The following PPP2R2B variants were observed in gnomAD, a reference collection of about 807,000 sequenced individuals.
PPP2R2B encodes serine/threonine-protein phosphatase 2A 55 kDa regulatory subunit B beta isoform.
A neutral mutation model predicts 46.0 loss-of-function variants in PPP2R2B; 5 were observed. The ratio of observed to expected loss-of-function variants is 0.11; its 90% CI spans 0.06 to 0.23. The LOEUF is 0.23. Among genes scored for constraint, PPP2R2B ranks in the 10% least tolerant of loss-of-function variants. PPP2R2B has a pLI of 1.00. For missense variants in PPP2R2B, 367 were observed against 575.0 expected (o/e 0.64, Z 3.70); for synonymous variants, 215 against 206.7 (o/e 1.04, Z -0.34).
At chr5:146,856,521 A>ATC in intron 2 of PPP2R2B, 1 of 1,609,634 alleles carries the variant, frequency 6.2e-7, no homozygotes, top group Non-Finnish European at 8.5e-7. Flanking sequence ...AGGTGTTTTC[A>ATC]TCTGGATAAT....
At chr5:146,605,747 C>T (rs1470729390) in intron 7 of PPP2R2B, among the ~76,000 whole-genome samples, 2 of 152,208 alleles carry the variant, frequency 1.3e-5, no homozygotes, top group Admixed American at 6.5e-5. Flanking sequence ...TACCTTTCTC[C>T]CCACTCCATT....
chr5:146,927,472 C>T (rs1054461695), intron 1 of PPP2R2B, among the ~76,000 whole-genome samples: 1 of 152,152 alleles, frequency 6.6e-6, no homozygotes, highest in Non-Finnish European at 1.5e-5. Flanking sequence ...GATTAACTTG[C>T]GGCAAGTAAA....
At position 147,013,356 on chromosome 5, in the gene PPP2R2B, C is replaced by T. The variant is rs200842988; in HGVS notation, c.79+42309G>A. Among the ~76,000 whole-genome samples the T allele has an allele frequency of 2.5e-5, 2 of 81,190 alleles. 1 individual carries two copies. Among genetic ancestry groups the T allele is most frequent in the African/African-American group, 7.1e-5 (2 of 28,262 alleles). 53.3% of individuals were successfully genotyped at this position (81,190 alleles called of 152,430 possible). ...TGCCATCCCCATCAAGCTACCAATG[C>T]CTTTCTTCACAGAATTGGAAAAAAC... On this transcript the variant is annotated intron_variant, in intron 1 of 8. Coordinates refer to the PPP2R2B transcript ENST00000336640.
intron 2 of PPP2R2B, among the ~76,000 whole-genome samples, chr5:146,702,406 A>G (rs1779594818): frequency 6.6e-6 from 1 of 152,188 alleles, no homozygotes; most frequent in African/African-American, 2.4e-5. Flanking sequence ...TAAAAGAACA[A>G]TTCTTGATTT....
chr5:146,939,185 G>A (rs777017862), intron 1 of PPP2R2B, among the ~76,000 whole-genome samples: 4 of 152,184 alleles, frequency 2.6e-5, no homozygotes, highest in South Asian at 2.1e-4. Flanking sequence ...CTGGTTAAAA[G>A]GGTGTGAAGA....
At chr5:146,663,595 T>G (rs1776805193) in intron 5 of PPP2R2B, among the ~76,000 whole-genome samples, 1 of 152,174 alleles carries the variant, frequency 6.6e-6, no homozygotes, top group Non-Finnish European at 1.5e-5. Flanking sequence ...GTATATAAAG[T>G]TATGCTTATA....
At chr5:146,836,970 T>C (rs1759324545) in intron 2 of PPP2R2B, among the ~76,000 whole-genome samples, 1 of 152,196 alleles carries the variant, frequency 6.6e-6, no homozygotes, top group Admixed American at 6.5e-5. Flanking sequence ...TATTGAACAC[T>C]TGGTTTTAGG....
intron 2 of PPP2R2B, among the ~76,000 whole-genome samples, chr5:146,861,047 A>ATTTTT (rs869248861): frequency 1.4e-4 from 18 of 132,192 alleles, no homozygotes; most frequent in East Asian, 4.6e-4. Flanking sequence ...TTCAAACTGA[A>ATTTTT]TTTTTTCTTT....
intron 1 of PPP2R2B, among the ~76,000 whole-genome samples, chr5:146,889,481 T>C (rs319193): frequency 0.47 from 71,264 of 151,946 alleles, 18,001 homozygotes; most frequent in East Asian, 0.7. Flanking sequence ...AAATACGAGG[T>C]TCAGATAAGT....
At chr5:147,061,837 C>A (rs1757267149) in intron 2 of PPP2R2B, among the ~76,000 whole-genome samples, 2 of 152,156 alleles carry the variant, frequency 1.3e-5, no homozygotes, top group African/African-American at 4.8e-5. Context: ...CACAATAAAG[C>A]CAAGCATGTT....
chr5:146,723,610 C>G (rs1402572037), intron 2 of PPP2R2B, among the ~76,000 whole-genome samples: 3 of 152,118 alleles, frequency 2.0e-5, no homozygotes, highest in African/African-American at 7.2e-5. Flanking sequence ...TTTGAAAGAT[C>G]ACTTGTGTTG....
chr5:146,860,050 A>T (rs752796835), intron 2 of PPP2R2B, among the ~76,000 whole-genome samples: 5 of 152,136 alleles, frequency 3.3e-5, no homozygotes, highest in Non-Finnish European at 7.4e-5. Flanking sequence ...CAGGAAAACA[A>T]TTTTTCTAGT....
At chr5:147,021,400 T>A (rs1014887678) in intron 1 of PPP2R2B, among the ~76,000 whole-genome samples, 1 of 152,164 alleles carries the variant, frequency 6.6e-6, no homozygotes, top group Non-Finnish European at 1.5e-5. Context: ...GTTTGAGAAA[T>A]CTGCAATAGA....
At chr5:147,066,666 C>T (rs1394737576) in intron 2 of PPP2R2B, among the ~76,000 whole-genome samples, 1 of 152,154 alleles carries the variant, frequency 6.6e-6, no homozygotes, top group African/African-American at 2.4e-5. Context: ...GTGTCAGGCA[C>T]CGTATTAGAC....
intron 1 of PPP2R2B, among the ~76,000 whole-genome samples, chr5:147,050,671 A>AACACAC (rs10631399): frequency 6.7e-6 from 1 of 149,984 alleles, no homozygotes; most frequent in Non-Finnish European, 1.5e-5. Context: ...GTTAGGGATA[A>AACACAC]ACACACACAC....
intron 2 of PPP2R2B, among the ~76,000 whole-genome samples, chr5:146,710,994 A>G (rs1458738194): frequency 2.6e-5 from 4 of 152,218 alleles, no homozygotes; most frequent in African/African-American, 9.7e-5. Context: ...CTTCCTTAAG[A>G]AGCCCTGTGT....
At chr5:146,805,577 T>C (rs1757125887) in intron 2 of PPP2R2B, among the ~76,000 whole-genome samples, 1 of 152,224 alleles carries the variant, frequency 6.6e-6, no homozygotes, top group Non-Finnish European at 1.5e-5. Flanking sequence ...CCCTCTTTAT[T>C]CAATGAGTCT....
intron 1 of PPP2R2B, among the ~76,000 whole-genome samples, chr5:146,926,006 T>C (rs1281021087): frequency 1.3e-5 from 2 of 152,226 alleles, no homozygotes; most frequent in East Asian, 3.9e-4. Flanking sequence ...TTCAATATCC[T>C]TATTAAGAAT....
At chr5:146,681,089 T>C (rs1054230349) in intron 5 of PPP2R2B, among the ~76,000 whole-genome samples, 1 of 152,186 alleles carries the variant, frequency 6.6e-6, no homozygotes, top group Admixed American at 6.5e-5. Flanking sequence ...AAGCCCGGCT[T>C]GCAACGTACT....
Sources: allele counts gnomAD v4.1 joint callset (sites outside exome capture counted in the v4.1 genomes callset), GRCh38; gene constraint gnomAD v4.1.1; transcripts MANE v1.5; gene names NCBI Gene and HGNC (gene_info 2026-07-23, HGNC 2026-07-21).